Variants in DCAF8L2 observed in about 807,000 individuals in gnomAD.
The protein encoded by DCAF8L2 is DDB1- and CUL4-associated factor 8-like protein 2.
For synonymous variants in DCAF8L2, 200 were observed against 190.9 expected, an observed-to-expected ratio of 1.05 and a Z score of -0.39; for missense variants, 430 against 490.7, an observed-to-expected ratio of 0.88 and a Z score of 1.17.
intron 1 of DCAF8L2, among the ~76,000 whole-genome samples, chrX:27,599,579 T>C (rs938462277): frequency 5.4e-5 from 6 of 111,205 alleles, no homozygotes; most frequent in African/African-American, 2.0e-4. Flanking sequence ...AGTAATAGCA[T>C]GAGAGAATTT....
the DCAF8L2 span, among the ~76,000 whole-genome samples, chrX:27,497,743 A>G: frequency 1.2e-4 from 13 of 110,619 alleles, no homozygotes; most frequent in Non-Finnish European, 2.1e-4. Context: ...TAATTTTTCT[A>G]TTTTTAGTAG....
intron 1 of DCAF8L2, among the ~76,000 whole-genome samples, chrX:27,603,282 G>T (rs1926731969): frequency 1.8e-5 from 2 of 111,465 alleles, no homozygotes; most frequent in Admixed American, 1.9e-4. Context: ...TCTACTTTAA[G>T]CTTCTGTGCT....
chrX:27,531,456 G>C, the DCAF8L2 span, among the ~76,000 whole-genome samples: 1 of 111,573 alleles, frequency 9.0e-6, no homozygotes, highest in Non-Finnish European at 1.9e-5. Context: ...AACCATATCA[G>C]AACACATATG....
chrX:27,726,003 G>T, intron 4 of DCAF8L2, among the ~76,000 whole-genome samples: 1 of 111,398 alleles, frequency 9.0e-6, no homozygotes, highest in Admixed American at 9.5e-5. Context: ...TATCTTAATG[G>T]TTTGGTATTA....
chrX:27,720,405 C>T (rs1254545117), intron 4 of DCAF8L2, among the ~76,000 whole-genome samples: 2 of 110,015 alleles, frequency 1.8e-5, no homozygotes, highest in South Asian at 3.7e-4. Flanking sequence ...CTCGCTCTGT[C>T]GCCTAGGCCG....
At chrX:27,614,451 C>T in intron 1 of DCAF8L2, among the ~76,000 whole-genome samples, 1 of 111,209 alleles carries the variant, frequency 9.0e-6, no homozygotes, top group East Asian at 2.8e-4. Context: ...TCTCTATCTC[C>T]TTCAGTTCTG....
At chrX:27,728,740 T>A (rs1921018297) in intron 4 of DCAF8L2, among the ~76,000 whole-genome samples, 1 of 112,416 alleles carries the variant, frequency 8.9e-6, no homozygotes, top group African/African-American at 3.2e-5. Flanking sequence ...TTTTTCTTCT[T>A]AAAGTCTGTT....
chrX:27,580,274 T>A, the DCAF8L2 span, among the ~76,000 whole-genome samples: 1 of 111,335 alleles, frequency 9.0e-6, no homozygotes, highest in Non-Finnish European at 1.9e-5. Flanking sequence ...GGTTGGTTAA[T>A]CAGGACTATC....
At position 27,693,781 on chromosome X, in the gene DCAF8L2, A is replaced by G. The variant is rs145139139; in HGVS notation, c.-143+15869A>G. Among the ~76,000 whole-genome samples, 453 of 112,229 alleles carry G rather than the reference A, an allele frequency of 4.0e-3. 1 individual carries two copies. Among genetic ancestry groups the G allele is most frequent in the African/African-American group, 0.014 (430 of 30,933 alleles). On this transcript the variant is annotated intron_variant, in intron 3 of 4. Coordinates refer to ENST00000451261, the MANE Select transcript of DCAF8L2 (RefSeq NM_001353450.2). ...GATGATGAGAATGTAAATTAGTTCAACCACTGTGGAAAGCAGTTTGGATAT... is the reference window on the plus strand; with the variant it reads ...GATGATGAGAATGTAAATTAGTTCAGCCACTGTGGAAAGCAGTTTGGATAT...
intron 4 of DCAF8L2, among the ~76,000 whole-genome samples, chrX:27,741,282 A>G (rs749443651): frequency 1.8e-5 from 2 of 110,938 alleles, no homozygotes; most frequent in South Asian, 7.7e-4. Flanking sequence ...TTGTCCCCTC[A>G]AATCTTCTGT....
chrX:27,496,904 A>G, the DCAF8L2 span, among the ~76,000 whole-genome samples: 1 of 112,468 alleles, frequency 8.9e-6, no homozygotes, highest in South Asian at 3.6e-4. Context: ...GATGCATACA[A>G]CTTGGATACG....
chrX:27,504,148 A>G, the DCAF8L2 span, among the ~76,000 whole-genome samples: 3 of 112,373 alleles, frequency 2.7e-5, no homozygotes, highest in Non-Finnish European at 3.8e-5. Flanking sequence ...ATTAACGCTA[A>G]GTGAATAAAA....
chrX:27,499,387 A>C, the DCAF8L2 span, among the ~76,000 whole-genome samples: 3 of 111,590 alleles, frequency 2.7e-5, no homozygotes, highest in African/African-American at 9.8e-5. Flanking sequence ...AAAGATGACT[A>C]CTCAGGTCTT....
the DCAF8L2 span, among the ~76,000 whole-genome samples, chrX:27,562,270 C>G: frequency 8.9e-6 from 1 of 112,536 alleles, no homozygotes; most frequent in South Asian, 3.7e-4. Context: ...TACATTGCAC[C>G]TGCTAGGGCA....
the DCAF8L2 span, among the ~76,000 whole-genome samples, chrX:27,552,510 A>G: frequency 1.8e-5 from 2 of 111,897 alleles, no homozygotes; most frequent in East Asian, 5.6e-4. Context: ...ATTTTTCTGC[A>G]TATGAATGTC....
chrX:27,586,569 C>A, upstream of DCAF8L2, among the ~76,000 whole-genome samples: 1 of 111,410 alleles, frequency 9.0e-6, no homozygotes, highest in Admixed American at 9.6e-5. Context: ...CACATCCTGG[C>A]TCACTTTATT....
the DCAF8L2 span, among the ~76,000 whole-genome samples, chrX:27,478,346 CCTG>C: frequency 8.9e-6 from 1 of 111,759 alleles, no homozygotes; most frequent in Non-Finnish European, 1.9e-5. Context: ...TTTTAATTTG[CCTG>C]CTAAGAAGAA....
chrX:27,475,362 G>A, the DCAF8L2 span, among the ~76,000 whole-genome samples: 2 of 111,791 alleles, frequency 1.8e-5, no homozygotes, highest in Non-Finnish European at 3.8e-5. Flanking sequence ...ATTGTTACCA[G>A]ACTAGAGCCA....
chrX:27,552,098 C>CTT, the DCAF8L2 span, among the ~76,000 whole-genome samples: 12 of 111,565 alleles, frequency 1.1e-4, no homozygotes, highest in African/African-American at 3.9e-4. Context: ...TGATGTTGAG[C>CTT]ATTTTGTCAC....
Sources: allele counts gnomAD v4.1 joint callset (sites outside exome capture counted in the v4.1 genomes callset), GRCh38; gene constraint gnomAD v4.1.1; transcripts MANE v1.5; gene names NCBI Gene and HGNC (gene_info 2026-07-23, HGNC 2026-07-21).